Variants in MAN2A1 observed in about 807,000 individuals in gnomAD.
MAN2A1 encodes the protein alpha-mannosidase 2.
In MAN2A1, 76 loss-of-function variants were observed where a neutral mutation model predicts 142.6. The observed-to-expected ratio is 0.53, with a 90% CI of 0.44 to 0.65. MAN2A1 has a LOEUF of 0.65. Ranked by LOEUF, MAN2A1 falls within the 30% of genes least tolerant of loss-of-function variation. The pLI is 0.00. For synonymous variants in MAN2A1, 559 were observed against 473.2 expected (o/e 1.18, Z -2.35); for missense variants, 1,311 against 1,365.1 (o/e 0.96, Z 0.62).
intron 20 of MAN2A1, 59 bp downstream of exon 20, chr5:109,855,393 G>C: frequency 8.7e-7 from 1 of 1,144,424 alleles, no homozygotes; most frequent in Non-Finnish European, 1.2e-6. Context: ...TGTTTTAAGG[G>C]GGTAAGGAAA....
rs563798780 is a variant in MAN2A1, at chr5:109,723,370, G to A, written c.536-5972G>A. ...ATTTAGAGGCATCAGCAGGTTTCTA[G>A]GTTTTCCAAGTCTCACAGATCTCTG... On this transcript the variant is annotated intron_variant, in intron 3 of 21. Coordinates refer to ENST00000261483, the MANE Select transcript of MAN2A1 (RefSeq NM_002372.4). 2.6e-5 allele frequency among the ~76,000 whole-genome samples: 4 copies of A among 152,270 alleles called. No individual in the cohort carries two copies. The South Asian group carries it at 6.2e-4, about 24-fold the overall frequency.
At chr5:109,846,369 G>A (rs1755344627) in intron 18 of MAN2A1, among the ~76,000 whole-genome samples, 1 of 152,198 alleles carries the variant, frequency 6.6e-6, no homozygotes, top group Admixed American at 6.5e-5. Context: ...CGTTTGCAAA[G>A]TTGGGAAGTT....
intron 10 of MAN2A1, among the ~76,000 whole-genome samples, chr5:109,785,896 C>T (rs913710744): frequency 1.3e-5 from 2 of 152,016 alleles, no homozygotes; most frequent in Non-Finnish European, 2.9e-5. Flanking sequence ...CTTAGTACTA[C>T]TCCTTGATGA....
At chr5:109,728,741 G>A (rs1428373196) in intron 3 of MAN2A1, among the ~76,000 whole-genome samples, 1 of 152,120 alleles carries the variant, frequency 6.6e-6, no homozygotes, top group Non-Finnish European at 1.5e-5. Flanking sequence ...GTGCTTCTAA[G>A]GAATTGAATA....
At chr5:109,832,640 G>A (rs1286944649) in intron 16 of MAN2A1, among the ~76,000 whole-genome samples, 5 of 152,134 alleles carry the variant, frequency 3.3e-5, no homozygotes, top group African/African-American at 7.2e-5. Context: ...CCTTCCACTC[G>A]ACAAAACCGC....
At chr5:109,755,264 T>C (rs1752658166) in intron 4 of MAN2A1, 65 bp from the exon 5 acceptor site, 1 of 1,264,102 alleles carries the variant, frequency 7.9e-7, no homozygotes, top group Admixed American at 1.8e-5. Context: ...TTTATGCTTG[T>C]TTAGTTTTTC....
chr5:109,833,271 G>A (rs1321321589), intron 16 of MAN2A1, among the ~76,000 whole-genome samples: 8 of 152,260 alleles, frequency 5.3e-5, no homozygotes, highest in Middle Eastern at 3.4e-3. Flanking sequence ...ACAGGGTGGC[G>A]GCCGGGCAGA....
chr5:109,772,065 T>G (rs1429924639), intron 7 of MAN2A1, among the ~76,000 whole-genome samples: 1 of 152,214 alleles, frequency 6.6e-6, no homozygotes, highest in Non-Finnish European at 1.5e-5. Flanking sequence ...GGCATACTGT[T>G]GAATGAGTCT....
At chr5:109,845,048 G>A (rs1395590672) in intron 17 of MAN2A1, among the ~76,000 whole-genome samples, 4 of 152,154 alleles carry the variant, frequency 2.6e-5, no homozygotes, top group African/African-American at 7.2e-5. Flanking sequence ...CATGCCTTTC[G>A]TTAATGGGCA....
chr5:109,766,905 C>T (rs978665061), intron 5 of MAN2A1, among the ~76,000 whole-genome samples: 5 of 152,154 alleles, frequency 3.3e-5, no homozygotes, highest in African/African-American at 2.4e-5. Flanking sequence ...CAGTAGTTCA[C>T]ATTATTGGTG....
At chr5:109,740,082 T>C (rs1204274682) in intron 4 of MAN2A1, among the ~76,000 whole-genome samples, 1 of 152,196 alleles carries the variant, frequency 6.6e-6, no homozygotes, top group Non-Finnish European at 1.5e-5. Context: ...GCCTGGACTT[T>C]TAGCCTGTCT....
At chr5:109,740,125 T>A (rs1752225171) in intron 4 of MAN2A1, among the ~76,000 whole-genome samples, 1 of 152,180 alleles carries the variant, frequency 6.6e-6, no homozygotes, top group Non-Finnish European at 1.5e-5. Context: ...GTATCCAGCA[T>A]CAGTTTGTAT....
At chr5:109,749,813 A>G (rs756782113) in intron 4 of MAN2A1, among the ~76,000 whole-genome samples, 22 of 152,062 alleles carry the variant, frequency 1.4e-4, no homozygotes, top group African/African-American at 3.4e-4. Flanking sequence ...AAATAGTTCA[A>G]TTGATACCTG....
At chr5:109,840,647 A>T in intron 16 of MAN2A1, 1 of 459,114 alleles carries the variant, frequency 2.2e-6, no homozygotes, top group Non-Finnish European at 4.2e-6. Context: ...ACGTTTAAAC[A>T]CATTTTCAGG....
chr5:109,813,829 C>A (rs1754383623), intron 12 of MAN2A1, among the ~76,000 whole-genome samples: 2 of 152,232 alleles, frequency 1.3e-5, no homozygotes, highest in Non-Finnish European at 2.9e-5. Flanking sequence ...CACGTTTACA[C>A]TGGGATTCTT....
chr5:109,783,245 T>TA (rs1417542331), intron 9 of MAN2A1, among the ~76,000 whole-genome samples: 2 of 152,134 alleles, frequency 1.3e-5, no homozygotes, highest in Non-Finnish European at 2.9e-5. Flanking sequence ...CAAAAAACCA[T>TA]ACAATAGTTA....
At chr5:109,702,315 TTGTG>T (rs34048618) in intron 1 of MAN2A1, among the ~76,000 whole-genome samples, 51,535 of 143,932 alleles carry the variant, frequency 0.36, 10,082 homozygotes, top group African/African-American at 0.55. Context: ...AGAACATAAA[TTGTG>T]TGTGTGTGTG....
At chr5:109,715,788 CAG>C (rs1169179502) in intron 2 of MAN2A1, among the ~76,000 whole-genome samples, 1 of 151,974 alleles carries the variant, frequency 6.6e-6, no homozygotes, top group Non-Finnish European at 1.5e-5. Context: ...CAAATTTCAT[CAG>C]AAATTTTTTT....
chr5:109,839,993 C>T (rs1755159116), intron 16 of MAN2A1: 1 of 151,418 alleles, frequency 6.6e-6, no homozygotes, highest in Non-Finnish European at 1.5e-5. Context: ...TATTCACTAA[C>T]ACATGCTAGG....
Sources: allele counts gnomAD v4.1 joint callset (sites outside exome capture counted in the v4.1 genomes callset), GRCh38; gene constraint gnomAD v4.1.1; transcripts MANE v1.5; gene names NCBI Gene and HGNC (gene_info 2026-07-23, HGNC 2026-07-21).